Variants in SIPA1L2 observed in about 807,000 individuals in gnomAD.
SIPA1L2 encodes the protein signal induced proliferation associated 1 like 2, also known as signal-induced proliferation-associated 1-like protein 2.
SIPA1L2 carries 56 observed loss-of-function variants against 163.9 expected under a neutral mutation model. The ratio of observed to expected loss-of-function variants is 0.34; its 90% confidence interval spans 0.28 to 0.43. The LOEUF (loss-of-function observed/expected upper bound fraction) is 0.43, where lower values mean the gene tolerates loss of function less well. Among genes scored for constraint, SIPA1L2 ranks in the 20% least tolerant of loss-of-function variants. The pLI, the probability that SIPA1L2 is intolerant of heterozygous loss-of-function variation, is 1.00. For missense variants in SIPA1L2, 1,974 were observed against 2,193.5 expected (o/e 0.90, Z 2.00); for synonymous variants, 877 against 865.7 (o/e 1.01, Z -0.23).
chr1:232,622,591 G>A (rs6424239), intron 1 of SIPA1L2, among the ~76,000 whole-genome samples: 82,435 of 152,032 alleles, frequency 0.54, 23,008 homozygotes, highest in African/African-American at 0.65. Context: ...GGAAAGGTGT[G>A]AATCATACTC....
rs1478912607 is a variant in SIPA1L2, at chr1:232,415,575, C to T, written c.4681G>A (p.Asp1561Asn). The T allele has an allele frequency of 6.2e-7, 1 of 1,614,014 alleles. No individual in the cohort carries two copies. The highest frequency in any genetic ancestry group is 8.5e-7 in the Non-Finnish European group (1 of 1,179,944). Reference sequence around the variant, plus strand: ...TCCGGGAGGGGCATCAGGCCAGGATCTGCGCACTTGGACTTATCTGATAAG... The same window carrying T: ...TCCGGGAGGGGCATCAGGCCAGGATTTGCGCACTTGGACTTATCTGATAAG... ...GSLSDKSKCA[D>N]PGLMPLPDTA... Residue 1561 changes from aspartate (D) to asparagine (N), a missense_variant, in exon 19 of 23, where the codon GAT (aspartate) becomes AAT (asparagine). Around this residue, in one of 3 missense-constraint regions of SIPA1L2, gnomAD observed 1,079 missense variants for 1,150.7 expected, o/e 0.94. Coordinates refer to ENST00000674635, the MANE Select transcript of SIPA1L2 (RefSeq NM_020808.5).
chr1:232,422,797 ATCT>A (rs1558163081), intron 18 of SIPA1L2, among the ~76,000 whole-genome samples: 1 of 152,338 alleles, frequency 6.6e-6, no homozygotes, highest in East Asian at 1.9e-4. Flanking sequence ...GCTCAAAGAC[ATCT>A]TCTGGGCATT....
chr1:232,457,184 G>A (rs1157851096), intron 10 of SIPA1L2, among the ~76,000 whole-genome samples: 1 of 152,052 alleles, frequency 6.6e-6, no homozygotes, highest in African/African-American at 2.4e-5. Context: ...ACTAAAGACT[G>A]CATTTATTCC....
intron 22 of SIPA1L2, among the ~76,000 whole-genome samples, chr1:232,400,247 C>G (rs905219161): frequency 6.6e-6 from 1 of 152,142 alleles, no homozygotes; most frequent in African/African-American, 2.4e-5. Context: ...TGACTCTCCC[C>G]GGACATTCCT....
intron 2 of SIPA1L2, among the ~76,000 whole-genome samples, chr1:232,540,043 C>A (rs1334361105): frequency 5.3e-5 from 8 of 152,112 alleles, no homozygotes; most frequent in Admixed American, 5.2e-4. Flanking sequence ...GTGGCTCACA[C>A]CTGTAATCCC....
At chr1:232,471,327 G>A (rs373271999) in intron 8 of SIPA1L2, 44 bp downstream of exon 8, 29 of 1,560,280 alleles carry the variant, frequency 1.9e-5, no homozygotes, top group Non-Finnish European at 2.2e-5. Flanking sequence ...ACGCCCTGTT[G>A]AAATAAACCT....
chr1:232,509,078 C>G (rs924694439), intron 3 of SIPA1L2, among the ~76,000 whole-genome samples: 1 of 152,186 alleles, frequency 6.6e-6, no homozygotes, highest in Non-Finnish European at 1.5e-5. Context: ...GGCAACAGAG[C>G]GAGACTCTGT....
chr1:232,529,859 A>T lies in SIPA1L2; in HGVS notation c.-269-14251T>A, dbSNP rs149656952. On this transcript the variant is annotated intron_variant, in intron 2 of 22. Coordinates refer to ENST00000674635, the MANE Select transcript of SIPA1L2 (RefSeq NM_020808.5). ...AGAAGGCAAGAGAAAGCCGTAAGAG[A>T]TCTGTATTATGCTCTTGAGCACGGC... is the stretch of plus-strand genomic sequence containing the variant. Among the ~76,000 whole-genome samples the T allele has an allele frequency of 1.3e-3, 192 of 152,292 alleles. 2 individuals are homozygous for T. Among genetic ancestry groups the T allele is most frequent in the African/African-American group, 4.4e-3 (181 of 41,558 alleles).
intron 22 of SIPA1L2, among the ~76,000 whole-genome samples, chr1:232,401,265 T>C (rs945988179): frequency 1.3e-5 from 2 of 152,182 alleles, no homozygotes; most frequent in African/African-American, 4.8e-5. Context: ...AACTTCCACA[T>C]CCTAGAAAAC....
At chr1:232,543,394 C>G (rs960192081) in intron 2 of SIPA1L2, among the ~76,000 whole-genome samples, 6 of 152,204 alleles carry the variant, frequency 3.9e-5, no homozygotes, top group Admixed American at 6.5e-5. Flanking sequence ...GTGCCTGCCT[C>G]TCCTGGCCCC....
intron 10 of SIPA1L2, among the ~76,000 whole-genome samples, chr1:232,457,387 T>C (rs935209418): frequency 6.6e-6 from 1 of 152,198 alleles, no homozygotes; most frequent in African/African-American, 2.4e-5. Context: ...CTAAAATATC[T>C]CATAATTCCT....
chr1:232,425,557 G>A lies in SIPA1L2; in HGVS notation c.4630+32C>T, dbSNP rs776062085. The A allele has an allele frequency of 1.4e-5, 21 of 1,509,410 alleles. No homozygotes were observed. In the East Asian group the frequency reaches 2.2e-4, roughly 16 times the overall value. The allele number at this position is 1,509,410 out of a possible 1,614,324, so 93.5% of individuals were successfully genotyped here. On this transcript the variant is annotated intron_variant, in intron 18 of 22. Transcript: ENST00000674635. Reference sequence around the variant, plus strand: ...GTTGTGCGATCAGCCCACCCTCGGCGCTGGCCAGGGAGCAGCCAGCCCCTC... The same window carrying A: ...GTTGTGCGATCAGCCCACCCTCGGCACTGGCCAGGGAGCAGCCAGCCCCTC...
At chr1:232,466,084 C>A (rs1664498040) in intron 8 of SIPA1L2, among the ~76,000 whole-genome samples, 2 of 152,152 alleles carry the variant, frequency 1.3e-5, no homozygotes, top group Non-Finnish European at 2.9e-5. Flanking sequence ...GGGGGTAACA[C>A]ATCCACAGCA....
chr1:232,593,890 G>A (rs1423056451), intron 1 of SIPA1L2, among the ~76,000 whole-genome samples: 2 of 152,236 alleles, frequency 1.3e-5, no homozygotes, highest in Non-Finnish European at 2.9e-5. Flanking sequence ...ATCCAGGGCA[G>A]ACCCTGCTTG....
intron 2 of SIPA1L2, among the ~76,000 whole-genome samples, chr1:232,557,368 C>T (rs1658774183): frequency 6.6e-6 from 1 of 152,168 alleles, no homozygotes; most frequent in African/African-American, 2.4e-5. Flanking sequence ...GTGGAAGCCA[C>T]ATACAGCAGG....
At chr1:232,629,743 C>G (rs1663282941) in intron 1 of SIPA1L2, among the ~76,000 whole-genome samples, 126 bp downstream of exon 1, 1 of 151,962 alleles carries the variant, frequency 6.6e-6, no homozygotes, top group Non-Finnish European at 1.5e-5. Context: ...TCGCACCCCT[C>G]GCCGCCGTCA....
At chr1:232,598,812 T>G (rs1330368520) in intron 1 of SIPA1L2, among the ~76,000 whole-genome samples, 1 of 152,142 alleles carries the variant, frequency 6.6e-6, no homozygotes, top group Non-Finnish European at 1.5e-5. Flanking sequence ...GTGAGGATTT[T>G]CAACACATGA....
In SIPA1L2 at chr1:232,490,905, G is replaced by C; in HGVS notation, c.1775C>G (p.Ser592Ter). Reference sequence around the variant, plus strand: ...TTCATCAAGCTTGAGCAGCTGCTCTGAGACCTTGGGTGAGTTGGAAGCCTG... The same window carrying C: ...TTCATCAAGCTTGAGCAGCTGCTCTCAGACCTTGGGTGAGTTGGAAGCCTG... ...LRQASNSPKV[S>*]EQLLKLDEQG... The change falls in exon 5 of 23, where the codon TCA (serine) becomes TGA (stop). Residue 592 changes from serine (S) to a stop codon, truncating the protein, a stop_gained. Transcript: ENST00000674635. LOFTEE classifies it high-confidence loss of function. 1 of 1,614,076 alleles carries C rather than the reference G, an allele frequency of 6.2e-7. No homozygotes were observed. The highest frequency in any genetic ancestry group is 2.2e-5 in the East Asian group (1 of 44,884).
intron 3 of SIPA1L2, among the ~76,000 whole-genome samples, chr1:232,509,721 G>A (rs150231268): frequency 1.1e-4 from 17 of 152,274 alleles, no homozygotes; most frequent in African/African-American, 3.4e-4. Context: ...GCCTCTGCCT[G>A]GAGTCCTTAA....
Sources: allele counts gnomAD v4.1 joint callset (sites outside exome capture counted in the v4.1 genomes callset), GRCh38; gene constraint gnomAD v4.1.1; regional missense constraint gnomAD v4.1.1; transcripts MANE v1.5; gene names NCBI Gene and HGNC (gene_info 2026-07-23, HGNC 2026-07-21).